The following CNBD1 variants were observed in gnomAD, a reference collection of about 807,000 sequenced individuals.
CNBD1 encodes the protein cyclic nucleotide-binding domain-containing protein 1.
A neutral mutation model predicts 54.4 loss-of-function variants in CNBD1; 71 were observed. The ratio of observed to expected loss-of-function variants is 1.30; its 90% confidence interval spans 1.08 to 1.59. The LOEUF (loss-of-function observed/expected upper bound fraction) is 1.59. Ranked by LOEUF, CNBD1 falls within the 40% of genes most tolerant of loss-of-function variation. The pLI is 0.00. For synonymous variants in CNBD1, 182 were observed against 170.7 expected (o/e 1.07, Z -0.51); for missense variants, 659 against 518.0 (o/e 1.27, Z -2.64).
At chr8:87,100,600 T>C (rs886168738) in intron 4 of CNBD1, among the ~76,000 whole-genome samples, 2 of 152,118 alleles carry the variant, frequency 1.3e-5, no homozygotes, top group Admixed American at 6.6e-5. Context: ...CTCAGCCTTC[T>C]GAGTAGCTGG....
At chr8:87,000,484 T>C (rs752559994) in intron 4 of CNBD1, among the ~76,000 whole-genome samples, 4 of 152,156 alleles carry the variant, frequency 2.6e-5, no homozygotes, top group Non-Finnish European at 5.9e-5. Flanking sequence ...TACATGCAAA[T>C]GAGACTTAGA....
At chr8:87,352,179 A>ACTT in intron 9 of CNBD1, among the ~76,000 whole-genome samples, 1 of 152,138 alleles carries the variant, frequency 6.6e-6, no homozygotes, top group Non-Finnish European at 1.5e-5. Flanking sequence ...TGTCTACACG[A>ACTT]AGACTTATAT....
intron 6 of CNBD1, among the ~76,000 whole-genome samples, chr8:87,262,459 T>C (rs1402381565): frequency 2.0e-5 from 3 of 152,270 alleles, no homozygotes; most frequent in African/African-American, 7.2e-5. Flanking sequence ...TTTAAATAAA[T>C]AGACTGAGTA....
At chr8:86,986,399 G>A (rs1808608423) in intron 4 of CNBD1, among the ~76,000 whole-genome samples, 1 of 152,068 alleles carries the variant, frequency 6.6e-6, no homozygotes, top group African/African-American at 2.4e-5. Context: ...ATTCCTTATA[G>A]ATTCTGGATA....
At chr8:87,418,482 C>A (rs576029504) in intron 2 of CNBD1, among the ~76,000 whole-genome samples, 7 of 151,896 alleles carry the variant, frequency 4.6e-5, no homozygotes, top group Admixed American at 2.0e-4. Context: ...ACTTAAAGCA[C>A]AAACAACCAA....
At chr8:87,269,727 A>G (rs1344347800) in intron 6 of CNBD1, among the ~76,000 whole-genome samples, 1 of 152,022 alleles carries the variant, frequency 6.6e-6, no homozygotes, top group African/African-American at 2.4e-5. Flanking sequence ...AGAAACTGAA[A>G]TCCTGAACAG....
intron 4 of CNBD1, among the ~76,000 whole-genome samples, chr8:87,198,351 T>C (rs1813765811): frequency 6.6e-6 from 1 of 152,184 alleles, no homozygotes. Flanking sequence ...CAGGGCGTTG[T>C]TGTTATTTGA....
At chr8:87,012,224 T>C (rs1160883565) in intron 4 of CNBD1, among the ~76,000 whole-genome samples, 2 of 152,162 alleles carry the variant, frequency 1.3e-5, no homozygotes, top group African/African-American at 2.4e-5. Flanking sequence ...GCAGAAATGT[T>C]GGCAATTTTG....
At chr8:87,134,066 T>C (rs1277862528) in intron 4 of CNBD1, among the ~76,000 whole-genome samples, 1 of 152,200 alleles carries the variant, frequency 6.6e-6, no homozygotes, top group East Asian at 1.9e-4. Flanking sequence ...ATAATCTTGT[T>C]ATTGGAAAAA....
chr8:87,408,471 A>C (rs1807686738), intron 2 of CNBD1, among the ~76,000 whole-genome samples: 1 of 152,056 alleles, frequency 6.6e-6, no homozygotes, highest in African/African-American at 2.4e-5. Context: ...TCCAACTCAC[A>C]TTACTTAAAC....
intron 3 of CNBD1, among the ~76,000 whole-genome samples, chr8:86,933,697 C>T (rs570816871): frequency 6.6e-6 from 1 of 152,102 alleles, no homozygotes; most frequent in East Asian, 1.9e-4. Flanking sequence ...TTTTAAAAAC[C>T]TGGGTGGGTA....
At chr8:87,184,643 C>T (rs570119960) in intron 4 of CNBD1, among the ~76,000 whole-genome samples, 27 of 152,266 alleles carry the variant, frequency 1.8e-4, no homozygotes, top group Middle Eastern at 3.4e-3. Context: ...TTATTTCACT[C>T]ACCCTTTCCC....
chr8:87,404,211 T>G (rs1586081674), intron 2 of CNBD1, among the ~76,000 whole-genome samples: 1 of 151,846 alleles, frequency 6.6e-6, no homozygotes, highest in African/African-American at 2.4e-5. Context: ...GGTAGGGAAG[T>G]GGGGATTTGT....
intron 8 of CNBD1, among the ~76,000 whole-genome samples, chr8:87,337,569 C>G (rs913817963): frequency 6.6e-6 from 1 of 152,214 alleles, no homozygotes; most frequent in African/African-American, 2.4e-5. Context: ...ATCTGTGTGG[C>G]TCCATGGTGG....
intron 4 of CNBD1, among the ~76,000 whole-genome samples, chr8:87,113,376 T>C (rs1421444694): frequency 6.6e-6 from 1 of 152,232 alleles, no homozygotes; most frequent in Non-Finnish European, 1.5e-5. Flanking sequence ...TTGGGCAAGA[T>C]AATTAACCTT....
intron 4 of CNBD1, among the ~76,000 whole-genome samples, chr8:87,130,210 A>T (rs1812090570): frequency 6.6e-6 from 1 of 152,178 alleles, no homozygotes; most frequent in South Asian, 2.1e-4. Context: ...TTTGATTTTT[A>T]TCTTAGCTAC....
intron 4 of CNBD1, among the ~76,000 whole-genome samples, chr8:87,051,866 G>A (rs1036299988): frequency 6.6e-6 from 1 of 152,188 alleles, no homozygotes; most frequent in Non-Finnish European, 1.5e-5. Context: ...TTTATGGCCA[G>A]ATTTTGGGGG....
chr8:87,258,692 G>A (rs55824955), intron 6 of CNBD1, among the ~76,000 whole-genome samples: 43,324 of 151,904 alleles, frequency 0.29, 6,684 homozygotes, highest in African/African-American at 0.4. Flanking sequence ...CCAATTTTCA[G>A]TAAACCTTGT....
intron 8 of CNBD1, among the ~76,000 whole-genome samples, chr8:87,318,118 G>A (rs1056643653): frequency 2.0e-5 from 3 of 151,700 alleles, no homozygotes; most frequent in Non-Finnish European, 4.4e-5. Context: ...TAAACATTAT[G>A]GGATATGTGT....
Sources: gnomAD v4.1 joint callset for allele counts (sites outside exome capture counted in the v4.1 genomes callset) on GRCh38, gnomAD v4.1.1 for gene constraint, MANE v1.5 for transcripts, NCBI Gene and HGNC (gene_info 2026-07-23, HGNC 2026-07-21) for gene names.